TPST2: variants seen among roughly 807,000 people sequenced by gnomAD.
TPST2 encodes tyrosylprotein sulfotransferase 2, also known as protein-tyrosine sulfotransferase 2.
In TPST2, 16 loss-of-function variants were observed where a neutral mutation model predicts 27.8. The observed-to-expected ratio is 0.58, with a 90% CI of 0.39 to 0.88. TPST2 has a LOEUF of 0.88. Ranked by LOEUF, TPST2 falls within the 40% of genes least tolerant of loss-of-function variation. TPST2 has a pLI of 0.00. For missense variants in TPST2, 464 were observed against 543.1 expected (o/e 0.85, Z 1.45); for synonymous variants, 229 against 231.7 (o/e 0.99, Z 0.10).
chr22:26,587,597 C>T (rs1368448724), intron 1 of TPST2, among the ~76,000 whole-genome samples: 1 of 152,142 alleles, frequency 6.6e-6, no homozygotes, highest in African/African-American at 2.4e-5. Context: ...CACCTTAGCT[C>T]CCAAAGTGCT....
intron 1 of TPST2, among the ~76,000 whole-genome samples, chr22:26,555,696 G>A (rs1304682063): frequency 6.6e-6 from 1 of 152,244 alleles, no homozygotes; most frequent in African/African-American, 2.4e-5. Context: ...GTGTGCAGGA[G>A]GCGGTGGGAA....
intron 1 of TPST2, among the ~76,000 whole-genome samples, chr22:26,554,975 C>G (rs1357016563): frequency 6.6e-6 from 1 of 152,124 alleles, no homozygotes; most frequent in Admixed American, 6.5e-5. Flanking sequence ...CAGAACAGAG[C>G]TTTGTTACTA....
At chr22:26,532,783 T>A (rs754030749) in intron 4 of TPST2, 38 bp from the exon 5 acceptor site, 238 of 1,601,092 alleles carry the variant, frequency 1.5e-4, no homozygotes, top group Non-Finnish European at 1.9e-4. Context: ...ATTATGAAAA[T>A]GGCCAAAAAA....
chr22:26,586,120 C>T (rs1961388036), intron 1 of TPST2, among the ~76,000 whole-genome samples: 1 of 152,142 alleles, frequency 6.6e-6, no homozygotes, highest in Non-Finnish European at 1.5e-5. Flanking sequence ...CATCTTAGTT[C>T]TGAATGGTCT....
intron 6 of TPST2, among the ~76,000 whole-genome samples, chr22:26,527,436 G>A (rs1924901863): frequency 6.6e-6 from 1 of 152,160 alleles, no homozygotes; most frequent in South Asian, 2.1e-4. Context: ...CCTCAGAGGT[G>A]GGCAATGATG....
intron 1 of TPST2, among the ~76,000 whole-genome samples, chr22:26,549,525 C>T (rs757200901): frequency 2.0e-5 from 3 of 151,368 alleles, no homozygotes; most frequent in African/African-American, 7.3e-5. Flanking sequence ...GGCATGGTGG[C>T]GCGTGGCTGT....
chr22:26,576,525 C>T (rs1426535200), intron 1 of TPST2, among the ~76,000 whole-genome samples: 2 of 152,044 alleles, frequency 1.3e-5, no homozygotes, highest in Non-Finnish European at 2.9e-5. Context: ...TTAGAGGAAG[C>T]GTCCCAAGTA....
In TPST2 at chr22:26,522,266, G is replaced by A. The variant is rs1924592976; in HGVS notation, c.*4009C>T. On this transcript the variant is annotated 3_prime_UTR_variant, in exon 7 of 7. Transcript: ENST00000338754. Reference sequence around the variant, plus strand: ...AGTCGCACAGTTGGAAAGTGGTAGAGCCAGGATGAGACGCTAATTCTGACT... The same window carrying A: ...AGTCGCACAGTTGGAAAGTGGTAGAACCAGGATGAGACGCTAATTCTGACT... 6.6e-6 allele frequency: 1 copy of A among 152,142 alleles called. No individual in the cohort carries two copies. The highest frequency in any genetic ancestry group is 2.4e-5 in the African/African-American group (1 of 41,412). 9.4% of individuals were successfully genotyped at this position (152,142 alleles called of 1,614,324 possible).
At chr22:26,588,012 C>G (rs1258833200) in intron 1 of TPST2, among the ~76,000 whole-genome samples, 1 of 136,824 alleles carries the variant, frequency 7.3e-6, no homozygotes, top group Non-Finnish European at 1.6e-5. Flanking sequence ...TCATTCCACT[C>G]CTAGAAATAT....
chr22:26,581,255 T>G (rs1460669295), intron 1 of TPST2, among the ~76,000 whole-genome samples: 1 of 152,196 alleles, frequency 6.6e-6, no homozygotes, highest in Non-Finnish European at 1.5e-5. Flanking sequence ...CTCCTGTCCC[T>G]GTACCAGTAT....
intron 1 of TPST2, chr22:26,565,802 T>A (rs182301055): frequency 6.6e-6 from 1 of 152,176 alleles, no homozygotes; most frequent in Non-Finnish European, 1.5e-5. Context: ...TGAGATAGTT[T>A]ATAGTCTTTT....
chr22:26,549,656 C>CAAAAA (rs71192939), intron 1 of TPST2, among the ~76,000 whole-genome samples: 217 of 58,248 alleles, frequency 3.7e-3, no homozygotes, highest in Non-Finnish European at 4.1e-3. Context: ...GACTCCGTCT[C>CAAAAA]AAAAAAAAAA....
chr22:26,558,859 A>T (rs1926938765), intron 1 of TPST2, among the ~76,000 whole-genome samples: 1 of 152,250 alleles, frequency 6.6e-6, no homozygotes, highest in African/African-American at 2.4e-5. Flanking sequence ...CATGACAAAC[A>T]AAAAATATAA....
rs776155338 is a variant in TPST2, at chr22:26,541,162, T to C, written c.469A>G (p.Asn157Asp). 1.6e-5 allele frequency: 25 copies of C among 1,604,870 alleles called. No individual in the cohort carries two copies. Among genetic ancestry groups the C allele is most frequent in the Non-Finnish European group, 2.0e-5 (23 of 1,174,264 alleles). The change falls in exon 3 of 7, where the codon AAC becomes GAC. Residue 157 changes from asparagine (N) to aspartate (D), a missense_variant. By Grantham distance (23) the Asn-to-Asp change is conservative. Coordinates refer to ENST00000338754, the MANE Select transcript of TPST2 (RefSeq NM_003595.5). This position sits in a 1 kb window ranked among gnomAD's most constrained non-coding sequence, Gnocchi z 5.9. ...GACTTGAGCGTAAATGGGTCCTTGT[T>C]GCAGAGCACGCGGGCCGGCTCTCCG... ...KHGEPARVLC[N>D]KDPFTLKSSV...
rs4822738 is a variant in TPST2, at chr22:26,554,641, G to A, written c.-160-9966C>T. The stretch of plus-strand genomic sequence containing the variant: ...TGAAATGGGGAGGCCATTAACACTT[G>A]TGAAGACTAAATAAATAAACTTGCA... On this transcript the variant is annotated intron_variant, in intron 1 of 6. Coordinates refer to ENST00000338754, the MANE Select transcript of TPST2 (RefSeq NM_003595.5). Among the ~76,000 whole-genome samples, 571 of 152,296 alleles carry A rather than the reference G, an allele frequency of 3.7e-3. 9 individuals are homozygous for A. Among genetic ancestry groups the A allele is most frequent in the East Asian group, 0.036 (186 of 5,170 alleles).
intron 1 of TPST2, 88 bp from the exon 2 acceptor site, chr22:26,544,763 C>T: frequency 2.8e-6 from 2 of 713,832 alleles, no homozygotes; most frequent in Non-Finnish European, 3.4e-6. Context: ...GGTTTAGGCT[C>T]CCAAGAGCAC....
chr22:26,541,585 G>A lies in TPST2; in HGVS notation c.46C>T (p.Leu16=), dbSNP rs1323633166. The A allele has an allele frequency of 1.2e-6, 2 of 1,602,572 alleles. No homozygotes were observed. The highest frequency in any genetic ancestry group is 3.4e-5 in the Admixed American group (2 of 59,254). Residue 16 remains leucine, a synonymous_variant, in exon 3 of 7, where the codon CTG becomes TTG. Coordinates refer to ENST00000338754, the MANE Select transcript of TPST2 (RefSeq NM_003595.5). The surrounding 1 kb of genome is among the most constrained non-coding windows in gnomAD (Gnocchi z 5.9). ...RRVLLAAGCA[L]VLVLAVQLGQ... ...AGCTGAACCGCCAGCACCAGGACCA[G>A]GGCGCAGCCGGCTGCCAGCAGCACC... is the stretch of plus-strand genomic sequence containing the variant.
intron 1 of TPST2, chr22:26,555,425 C>CA (rs1226487743): frequency 2.8e-6 from 1 of 359,370 alleles, no homozygotes; most frequent in African/African-American, 2.1e-5. Flanking sequence ...GGCCACTCAC[C>CA]AGTGGCCTTG....
intron 1 of TPST2, among the ~76,000 whole-genome samples, chr22:26,569,976 GAAAGAAAAGAAAGAA>G (rs1927540953): frequency 2.1e-4 from 1 of 4,762 alleles, no homozygotes; most frequent in African/African-American, 2.9e-3. Context: ...AAGGAAGAAA[GAAAGAAAAGAAAGAA>G]AAAGAAAGAA....
Sources: allele counts gnomAD v4.1 joint callset (sites outside exome capture counted in the v4.1 genomes callset), GRCh38; gene constraint gnomAD v4.1.1; non-coding constraint Gnocchi (gnomAD v3.1); transcripts MANE v1.5; gene names NCBI Gene and HGNC (gene_info 2026-07-23, HGNC 2026-07-21).